The following AGBL3 variants were observed in gnomAD, a reference collection of about 807,000 sequenced individuals.
AGBL3 encodes cytosolic carboxypeptidase 3.
In AGBL3, 68 loss-of-function variants were observed where a neutral mutation model predicts 94.5. The ratio of observed to expected loss-of-function variants is 0.72; its 90% confidence interval spans 0.59 to 0.88. The LOEUF (loss-of-function observed/expected upper bound fraction) is 0.88, where lower values mean the gene tolerates loss of function less well. Ranked by LOEUF, AGBL3 falls within the 40% of genes least tolerant of loss-of-function variation. The probability of loss-of-function intolerance (pLI) is 0.00; values close to 1 mark genes in which losing one functional copy is unlikely to be tolerated. For synonymous variants in AGBL3, 354 were observed against 370.7 expected (o/e 0.95, Z 0.52); for missense variants, 934 against 1,103.8 (o/e 0.85, Z 2.18).
chr7:135,118,207 C>A (rs755088783), intron 16 of AGBL3, among the ~76,000 whole-genome samples: 1 of 152,058 alleles, frequency 6.6e-6, no homozygotes, highest in African/African-American at 2.4e-5. Context: ...TTACTTGTAA[C>A]CAAAGAGGTC....
chr7:135,017,149 A>C lies in AGBL3; in HGVS notation c.408A>C (p.Leu136=), dbSNP rs1357762900. ...PDSKEATVVY[L]AEDAYKEPCF... ...CCAAGGAAGCTACTGTGGTTTATCT[A>C]GCTGAAGATGGTGAGCACATAATGA... The change falls in exon 5 of 17, where the codon CTA becomes CTC. Residue 136 remains leucine (L), a synonymous_variant. Transcript: ENST00000436302. The C allele has an allele frequency of 1.9e-6, 3 of 1,540,958 alleles. No individual in the cohort carries two copies. Among genetic ancestry groups the C allele is most frequent in the African/African-American group, 2.7e-5 (2 of 72,868 alleles).
At chr7:135,090,464 G>A (rs1434081272) in intron 15 of AGBL3, among the ~76,000 whole-genome samples, 1 of 152,162 alleles carries the variant, frequency 6.6e-6, no homozygotes, top group Non-Finnish European at 1.5e-5. Flanking sequence ...CGTCAGCTCA[G>A]TCCTGGGATG....
chr7:135,056,725 AAAG>A (rs1196610516), intron 11 of AGBL3, among the ~76,000 whole-genome samples: 1 of 152,146 alleles, frequency 6.6e-6, no homozygotes, highest in Non-Finnish European at 1.5e-5. Context: ...AACTCTGAGG[AAAG>A]AAATCAAAGA....
intron 5 of AGBL3, among the ~76,000 whole-genome samples, chr7:135,024,859 C>G (rs1399977691): frequency 6.7e-6 from 1 of 148,402 alleles, no homozygotes; most frequent in Non-Finnish European, 1.5e-5. Flanking sequence ...GAATCATTAA[C>G]AGCAGACTAG....
At chr7:135,103,536 G>A (rs10225082) in intron 15 of AGBL3, among the ~76,000 whole-genome samples, 6,783 of 151,938 alleles carry the variant, frequency 0.045, 207 homozygotes, top group African/African-American at 0.071. Flanking sequence ...TATCTGATCC[G>A]TCTGCACTGT....
At chr7:135,016,586 G>A (rs919687562) in intron 4 of AGBL3, among the ~76,000 whole-genome samples, 5 of 152,154 alleles carry the variant, frequency 3.3e-5, no homozygotes, top group Non-Finnish European at 7.4e-5. Context: ...AGCTAAAGGA[G>A]AAGTGGCAGG....
intron 16 of AGBL3, chr7:135,129,091 C>G: frequency 1.3e-6 from 2 of 1,597,636 alleles, no homozygotes; most frequent in Non-Finnish European, 1.7e-6. Context: ...TCAGTGGCCA[C>G]TACTGGTCAG....
Position 135,134,853 on chromosome 7 carries a change from T to A in AGBL3, c.2355T>A (p.Ala785=). Residue 785 remains alanine (A), a synonymous_variant, in exon 17 of 17, where the codon GCT becomes GCA. Transcript: ENST00000436302. ...ATTTCTTTTCTAGACTAAATCCGGC[T>A]ACTTGCAGAAATATAAAGAAATACA... The part of the protein sequence containing the change: ...NFQIQHQLNP[A]TCRNIKKYST... The A allele has an allele frequency of 6.5e-7, 1 of 1,549,674 alleles. No homozygotes were observed. The highest frequency in any genetic ancestry group is 1.7e-4 in the Middle Eastern group (1 of 5,972).
rs1333816530 is a variant in AGBL3 at position 135,125,625 on chromosome 7, C to T, written c.2343-9216C>T. Among the ~76,000 whole-genome samples the T allele has an allele frequency of 1.3e-5, 2 of 152,150 alleles. 1 individual carries two copies. The highest frequency in any genetic ancestry group is 1.3e-4 in the Admixed American group (2 of 15,284). On this transcript the variant is annotated intron_variant, in intron 16 of 16. Coordinates refer to ENST00000436302, the MANE Select transcript of AGBL3 (RefSeq NM_178563.4). ...ACTTCAGACCAATATTCCTGATGAA[C>T]ATCAATACGAAAATCCTCAATAAAA...
chr7:134,988,595 G>T (rs1809787145), intron 2 of AGBL3, among the ~76,000 whole-genome samples: 1 of 151,926 alleles, frequency 6.6e-6, no homozygotes, highest in Non-Finnish European at 1.5e-5. Context: ...CTATTTAAAG[G>T]ATTTATGGCT....
chr7:135,081,394 C>A (rs1326510059), intron 14 of AGBL3, among the ~76,000 whole-genome samples: 2 of 151,956 alleles, frequency 1.3e-5, no homozygotes, highest in South Asian at 4.2e-4. Flanking sequence ...TATTAAGCCA[C>A]CCCCAGTGTT....
chr7:135,107,627 A>T (rs139793345), intron 15 of AGBL3, among the ~76,000 whole-genome samples: 1 of 152,166 alleles, frequency 6.6e-6, no homozygotes, highest in African/African-American at 2.4e-5. Context: ...GAATTGTTTT[A>T]TGTCTGATTG....
chr7:135,104,442 C>T (rs762118650), intron 15 of AGBL3, among the ~76,000 whole-genome samples: 46 of 152,132 alleles, frequency 3.0e-4, no homozygotes, highest in Admixed American at 7.2e-4. Context: ...TGGATATATA[C>T]CCAGTAATAG....
intron 4 of AGBL3, among the ~76,000 whole-genome samples, chr7:135,013,737 CAT>C (rs1215526471): frequency 6.6e-6 from 1 of 152,056 alleles, no homozygotes; most frequent in Non-Finnish European, 1.5e-5. Flanking sequence ...AGTGGAGAGA[CAT>C]AAAAAAGTGA....
intron 5 of AGBL3, among the ~76,000 whole-genome samples, chr7:135,023,255 A>G (rs1293533473): frequency 1.3e-5 from 2 of 152,176 alleles, no homozygotes; most frequent in Non-Finnish European, 2.9e-5. Context: ...AGAGACCAAA[A>G]TATCAAGTAT....
At chr7:135,022,583 G>C (rs1332459178) in intron 5 of AGBL3, among the ~76,000 whole-genome samples, 1 of 151,870 alleles carries the variant, frequency 6.6e-6, no homozygotes, top group Admixed American at 6.6e-5. Context: ...TGGGTAAATA[G>C]CAAAAATTTT....
chr7:135,049,337 G>A (rs1235379031), intron 11 of AGBL3, among the ~76,000 whole-genome samples: 1 of 151,868 alleles, frequency 6.6e-6, no homozygotes, highest in Non-Finnish European at 1.5e-5. Flanking sequence ...GTATTTTCTT[G>A]AGAATTTTTG....
Position 135,045,481 on chromosome 7 carries a change from A to C in AGBL3, c.1635A>C (p.Lys545Asn), listed in dbSNP as rs1399570585. ...AACTTATTGATGTTTTAGGTAACAA[A>C]CGAGGCACTCATTTCAGCACGAAAG... ...ATFCGSTLGNKRGTHFSTKDL... is the reference protein window; with the variant it reads ...ATFCGSTLGNNRGTHFSTKDL... Residue 545 changes from lysine to asparagine, a missense_variant, in exon 10 of 17, where the codon AAA becomes AAC. Lys to Asn is a moderately conservative substitution (Grantham distance 94). Transcript: ENST00000436302. 7.1e-6 allele frequency: 11 copies of C among 1,550,924 alleles called. No homozygotes were observed. Among genetic ancestry groups the C allele is most frequent in the Non-Finnish European group, 9.6e-6 (11 of 1,146,460 alleles).
At chr7:135,026,244 A>ATTATTTTATTTTATTTTTT (rs147501962) in intron 5 of AGBL3, among the ~76,000 whole-genome samples, 4 of 81,476 alleles carry the variant, frequency 4.9e-5, no homozygotes, top group African/African-American at 1.2e-4. Context: ...AATGAATACC[A>ATTATTTTATTTTATTTTTT]TTATTTTATT....
Sources: allele counts gnomAD v4.1 joint callset (sites outside exome capture counted in the v4.1 genomes callset), GRCh38; gene constraint gnomAD v4.1.1; transcripts MANE v1.5; gene names NCBI Gene and HGNC (gene_info 2026-07-23, HGNC 2026-07-21).